TMEM237: variants seen among roughly 807,000 people sequenced by gnomAD.
The protein encoded by TMEM237 is transmembrane protein 237, also known as amyotrophic lateral sclerosis 2 (juvenile) chromosome region, candidate 4.
In TMEM237, 51 loss-of-function variants were observed where a neutral mutation model predicts 59.1. That is an observed-to-expected ratio of 0.86 (90% confidence interval 0.69 to 1.09). TMEM237 has a LOEUF of 1.09. Among genes scored for constraint, TMEM237 ranks in the 50% least tolerant of loss-of-function variants. TMEM237 has a pLI of 0.00. For missense variants in TMEM237, 475 were observed against 478.3 expected (o/e 0.99, Z 0.06); for synonymous variants, 140 against 166.1 (o/e 0.84, Z 1.21).
chr2:201,637,185 G>A (rs987182034), intron 4 of TMEM237, among the ~76,000 whole-genome samples: 4 of 152,074 alleles, frequency 2.6e-5, no homozygotes, highest in African/African-American at 9.7e-5. Flanking sequence ...TGAAAAAGGT[G>A]GAAAACATAA....
Position 201,643,285 on chromosome 2 carries a change from CACA to C in TMEM237, c.42+71_42+73del. The C allele has an allele frequency of 3.6e-6, 5 of 1,393,482 alleles. No homozygotes were observed. The highest frequency in any genetic ancestry group is 4.9e-6 in the Non-Finnish European group (5 of 1,012,496). 86.3% of individuals were successfully genotyped at this position (1,393,482 alleles called of 1,614,324 possible). A position where few individuals can be genotyped will look rare whatever the true frequency, so the allele number is the denominator to read the frequency against. On this transcript the variant is annotated intron_variant, in intron 1 of 12. Coordinates refer to ENST00000409883, the MANE Select transcript of TMEM237 (RefSeq NM_001044385.3). This position sits in a 1 kb window ranked among gnomAD's most constrained non-coding sequence, Gnocchi z 4.3. Reference sequence around the variant, plus strand: ...CCCAGCTCGTTGGCGCCCCCCCACACACACCCACCCCCACTGCCAAGTGTAGCT... The same window carrying C: ...CCCAGCTCGTTGGCGCCCCCCCACACCCCACCCCCACTGCCAAGTGTAGCT...
intron 5 of TMEM237, chr2:201,634,897 G>A (rs1269728459): frequency 2.2e-6 from 1 of 451,230 alleles, no homozygotes; most frequent in Non-Finnish European, 4.6e-6. Context: ...CCGTTTTCTA[G>A]AAGGACAAGT....
chr2:201,638,891 G>A, intron 4 of TMEM237, 98 bp downstream of exon 4: 2 of 1,164,610 alleles, frequency 1.7e-6, no homozygotes, highest in South Asian at 2.9e-5. Flanking sequence ...GGAGATTCGG[G>A]GCTGCTGGGG....
chr2:201,643,009 T>G lies in TMEM237; in HGVS notation c.42+350A>C. The G allele has an allele frequency of 7.7e-7, 1 of 1,291,334 alleles. No homozygotes were observed. Among genetic ancestry groups the G allele is most frequent in the Non-Finnish European group, 9.8e-7 (1 of 1,020,406 alleles). The allele number at this position is 1,291,334 out of a possible 1,614,324, so 80.0% of individuals were successfully genotyped here. Reference sequence around the variant, plus strand: ...GGCGAACAGATCTCTTCTGGGCAGCTACAGACCTCTCCTCGGAGGAGTCTA... The same window carrying G: ...GGCGAACAGATCTCTTCTGGGCAGCGACAGACCTCTCCTCGGAGGAGTCTA... On this transcript the variant is annotated intron_variant, in intron 1 of 12. Coordinates refer to ENST00000409883, the MANE Select transcript of TMEM237 (RefSeq NM_001044385.3). This position sits in a 1 kb window ranked among gnomAD's most constrained non-coding sequence, Gnocchi z 4.3.
chr2:201,641,329 C>G (rs1455301422), intron 1 of TMEM237, among the ~76,000 whole-genome samples: 1 of 152,072 alleles, frequency 6.6e-6, no homozygotes, highest in Non-Finnish European at 1.5e-5. Context: ...TCAGACATGA[C>G]AGAAAAATAT....
chr2:201,641,129 T>A (rs184059957), intron 1 of TMEM237, among the ~76,000 whole-genome samples: 2 of 152,068 alleles, frequency 1.3e-5, no homozygotes, highest in Non-Finnish European at 2.9e-5. Context: ...GTAGCTGGGA[T>A]TACAGGCACC....
At position 201,643,111 on chromosome 2, in the gene TMEM237, G is replaced by T. The variant is rs1343033104; in HGVS notation, c.42+248C>A. Among the ~76,000 whole-genome samples, 2 of 152,086 alleles carry T rather than the reference G, an allele frequency of 1.3e-5. No homozygotes were observed. ...GAGTGAGGCGTCGTCGTGGCAACGC[G>T]GGCTCAGGTCCCCGCAAACTTCATG... is the stretch of plus-strand genomic sequence containing the variant. On this transcript the variant is annotated intron_variant, in intron 1 of 12. Transcript: ENST00000409883. The surrounding 1 kb of genome is among the most constrained non-coding windows in gnomAD (Gnocchi z 4.3).
At chr2:201,626,534 GAAAAA>G (rs751155005) in intron 11 of TMEM237, among the ~76,000 whole-genome samples, 1 of 96,030 alleles carries the variant, frequency 1.0e-5, no homozygotes, top group African/African-American at 3.9e-5. Flanking sequence ...AGCATTTGGG[GAAAAA>G]AAAAAAAAAA....
intron 1 of TMEM237, chr2:201,642,749 C>G (rs1054025652): frequency 6.8e-7 from 1 of 1,466,636 alleles, no homozygotes. Context: ...TAGTACCCCG[C>G]GCGCAGCGCC....
intron 4 of TMEM237, chr2:201,638,478 T>C (rs1687346292): frequency 6.6e-6 from 1 of 152,570 alleles, no homozygotes; most frequent in African/African-American, 2.4e-5. Context: ...AGTTTAGAGT[T>C]ACGGATGCAA....
At chr2:201,637,560 A>G (rs1378509169) in intron 4 of TMEM237, among the ~76,000 whole-genome samples, 1 of 152,106 alleles carries the variant, frequency 6.6e-6, no homozygotes, top group Non-Finnish European at 1.5e-5. Context: ...CCTGACCAAC[A>G]TGGCAAAACT....
At position 201,636,649 on chromosome 2, in the gene TMEM237, G is replaced by C. The variant is rs538961771; in HGVS notation, c.274+99C>G. 30 of 1,358,978 alleles carry C rather than the reference G, an allele frequency of 2.2e-5. No individual in the cohort carries two copies. The African/African-American group carries it at 4.0e-4, about 18-fold the overall frequency. The allele number at this position is 1,358,978 out of a possible 1,614,324, so 84.2% of individuals were successfully genotyped here. ...ACATAAAAGCAAGAAACCACCTGTG[G>C]GATATGGATAGGGGGAAAGAAATGA... On this transcript the variant is annotated intron_variant, in intron 5 of 12. Transcript: ENST00000409883.
intron 1 of TMEM237, among the ~76,000 whole-genome samples, chr2:201,641,788 G>C (rs1687427010): frequency 6.6e-6 from 1 of 152,036 alleles, no homozygotes; most frequent in African/African-American, 2.4e-5. Context: ...GTTAGGGAAA[G>C]TTTCTCTGAG....
Position 201,632,202 on chromosome 2 carries a change from G to A in TMEM237, c.402C>T (p.Thr134=), listed in dbSNP as rs1253365223. ...TGGCATACTGTAATTCTGCTGGCTG[G>A]GTTTTCCTGTAATAAGGACGTATGT... ...IQKPRRKTKK[T]QPAELQYANE... is the part of the protein sequence containing the mutation. Residue 134 remains threonine, a synonymous_variant, in exon 7 of 13, where the codon ACC becomes ACT. Transcript: ENST00000409883. The A allele has an allele frequency of 1.2e-6, 2 of 1,613,360 alleles. No homozygotes were observed. The highest frequency in any genetic ancestry group is 1.7e-6 in the Non-Finnish European group (2 of 1,179,612).
chr2:201,630,287 A>G (rs1957796846), intron 7 of TMEM237, among the ~76,000 whole-genome samples: 1 of 152,224 alleles, frequency 6.6e-6, no homozygotes, highest in Admixed American at 6.5e-5. Context: ...TTCTTAGGAA[A>G]AGATGTCAGG....
chr2:201,640,951 G>T (rs1326942249), intron 1 of TMEM237, 27 bp from the exon 2 acceptor site: 5 of 1,597,910 alleles, frequency 3.1e-6, no homozygotes, highest in South Asian at 1.1e-5. Flanking sequence ...AAATTTGCTT[G>T]TAAGTAAAAG....
chr2:201,626,735 CA>C (rs1957762222), intron 11 of TMEM237, among the ~76,000 whole-genome samples: 2 of 152,090 alleles, frequency 1.3e-5, no homozygotes, highest in Admixed American at 6.5e-5. Context: ...AACTCCCTGA[CA>C]GGGGGTAAGA....
At position 201,621,910 on chromosome 2, in the gene TMEM237, C is replaced by T. The variant is rs1380255703; in HGVS notation, c.*2345G>A. The T allele has an allele frequency of 6.6e-5, 10 of 152,610 alleles. No homozygotes were observed. In the East Asian group the frequency reaches 1.9e-3, roughly 29 times the overall value. 9.5% of individuals were successfully genotyped at this position (152,610 alleles called of 1,614,324 possible). On this transcript the variant is annotated 3_prime_UTR_variant, in exon 13 of 13. Coordinates refer to ENST00000409883, the MANE Select transcript of TMEM237 (RefSeq NM_001044385.3). ...GTCACTGTGAGATCATTCCCTGCTT[C>T]CTGGAGACATGCATTAGCAGTGAAC...
At chr2:201,637,756 A>T (rs1490379485) in intron 4 of TMEM237, among the ~76,000 whole-genome samples, 1 of 151,924 alleles carries the variant, frequency 6.6e-6, no homozygotes, top group African/African-American at 2.4e-5. Flanking sequence ...AAAAAAAAAA[A>T]AAAAAATAGA....
Sources: gnomAD v4.1 joint callset for allele counts (sites outside exome capture counted in the v4.1 genomes callset) on GRCh38, gnomAD v4.1.1 for gene constraint, Gnocchi (gnomAD v3.1) non-coding constraint, MANE v1.5 for transcripts, NCBI Gene and HGNC (gene_info 2026-07-23, HGNC 2026-07-21) for gene names.